The following FAT3 variants were observed in gnomAD, a reference collection of about 807,000 sequenced individuals.
FAT3 encodes the protein protocadherin Fat 3.
FAT3 carries 95 observed loss-of-function variants against 310.2 expected under a neutral mutation model. The observed-to-expected ratio is 0.31, with a 90% CI of 0.26 to 0.36. The LOEUF (loss-of-function observed/expected upper bound fraction) is 0.36, where lower values mean the gene tolerates loss of function less well. Ranked by LOEUF, FAT3 falls within the 10% of genes least tolerant of loss-of-function variation. The probability of loss-of-function intolerance (pLI) is 1.00; values close to 1 mark genes in which losing one functional copy is unlikely to be tolerated. For missense variants in FAT3, 5,408 were observed against 5,715.6 expected, an observed-to-expected ratio of 0.95 and a Z score of 1.74; for synonymous variants, 2,314 against 2,192.9, an observed-to-expected ratio of 1.06 and a Z score of -1.54.
intron 2 of FAT3, among the ~76,000 whole-genome samples, chr11:92,358,182 A>T (rs914605465): frequency 2.0e-5 from 3 of 152,038 alleles, no homozygotes; most frequent in Non-Finnish European, 4.4e-5. Context: ...GTCTTAAAAA[A>T]ATAATAATTA....
At chr11:92,876,406 C>T (rs999398162) in intron 22 of FAT3, among the ~76,000 whole-genome samples, 1 of 152,148 alleles carries the variant, frequency 6.6e-6, no homozygotes, top group Admixed American at 6.5e-5. Flanking sequence ...AAAAAAATAA[C>T]CCCAAGTCAA....
At chr11:92,855,847 G>T (rs1948961198) in intron 19 of FAT3, among the ~76,000 whole-genome samples, 1 of 152,262 alleles carries the variant, frequency 6.6e-6, no homozygotes, top group East Asian at 1.9e-4. Context: ...TGGGATTTAT[G>T]AATTCTGAGT....
chr11:92,625,129 A>G (rs2135681441), intron 3 of FAT3, among the ~76,000 whole-genome samples: 1 of 152,294 alleles, frequency 6.6e-6, no homozygotes, highest in East Asian at 1.9e-4. Context: ...ACACGAGAAA[A>G]GGAGATTTGA....
chr11:92,520,283 A>G (rs1030668733), intron 2 of FAT3, among the ~76,000 whole-genome samples: 1 of 152,182 alleles, frequency 6.6e-6, no homozygotes, highest in African/African-American at 2.4e-5. Flanking sequence ...TCTAGAAAAT[A>G]CAAAGTTATT....
intron 3 of FAT3, among the ~76,000 whole-genome samples, chr11:92,624,897 A>G (rs1591534835): frequency 6.6e-6 from 1 of 152,202 alleles, no homozygotes; most frequent in Non-Finnish European, 1.5e-5. Flanking sequence ...CTTGGCTTGA[A>G]GATTTCTATT....
At chr11:92,261,160 T>C (rs1373845788) in intron 1 of FAT3, among the ~76,000 whole-genome samples, 1 of 152,028 alleles carries the variant, frequency 6.6e-6, no homozygotes, top group Non-Finnish European at 1.5e-5. Flanking sequence ...AAAGATAGTA[T>C]TTTCAGAGGC....
intron 2 of FAT3, among the ~76,000 whole-genome samples, chr11:92,478,560 T>A (rs1350941620): frequency 6.6e-6 from 1 of 151,708 alleles, no homozygotes; most frequent in Non-Finnish European, 1.5e-5. Context: ...CAATTTTATT[T>A]CCCCAAACAA....
chr11:92,478,621 AT>A (rs111834951), intron 2 of FAT3, among the ~76,000 whole-genome samples: 7,339 of 147,500 alleles, frequency 0.05, 602 homozygotes, highest in African/African-American at 0.17. Context: ...TATCTGATAC[AT>A]TTTTTTTTTT....
chr11:92,236,274 A>G (rs969203036), intron 1 of FAT3, among the ~76,000 whole-genome samples: 6 of 152,144 alleles, frequency 3.9e-5, no homozygotes, highest in Non-Finnish European at 5.9e-5. Context: ...TTGGAGGTAC[A>G]GTTTCTGGTA....
chr11:92,473,709 C>T (rs1459198734), intron 2 of FAT3, among the ~76,000 whole-genome samples: 2 of 152,180 alleles, frequency 1.3e-5, no homozygotes, highest in African/African-American at 4.8e-5. Flanking sequence ...TCCCAATCAC[C>T]ATGTACAGAA....
At chr11:92,254,895 C>T (rs1029510564) in intron 1 of FAT3, among the ~76,000 whole-genome samples, 1 of 151,588 alleles carries the variant, frequency 6.6e-6, no homozygotes, top group Non-Finnish European at 1.5e-5. Flanking sequence ...TAGTAGAGAT[C>T]GGTTTTCACC....
At chr11:92,675,907 CT>C (rs543797847) in intron 3 of FAT3, among the ~76,000 whole-genome samples, 256 of 152,236 alleles carry the variant, frequency 1.7e-3, no homozygotes, top group African/African-American at 5.8e-3. Flanking sequence ...CAGTCTCTCA[CT>C]TTAGCAAGTG....
In FAT3 at chr11:92,305,751, A is replaced by G. The variant is rs572333139; in HGVS notation, c.-17-46345A>G. On this transcript the variant is annotated intron_variant, in intron 1 of 27. Coordinates refer to ENST00000525166, the MANE Select transcript of FAT3 (RefSeq NM_001367949.2). ...AAGTCAGTCTGCAAAATTGCCAGCT[A>G]ATACTCTTCAAATGTCAAGGTCACG... Among the ~76,000 whole-genome samples, 40 of 152,242 alleles carry G rather than the reference A, an allele frequency of 2.6e-4. 1 individual carries two copies. In the South Asian group the frequency reaches 6.6e-3, roughly 25 times the overall value.
chr11:92,623,048 C>G (rs939827244), intron 3 of FAT3, among the ~76,000 whole-genome samples: 2 of 152,182 alleles, frequency 1.3e-5, no homozygotes, highest in Non-Finnish European at 2.9e-5. Context: ...AGTGATGTCT[C>G]TGAATGTCTT....
chr11:92,228,241 G>A (rs1864006210), intron 1 of FAT3, among the ~76,000 whole-genome samples: 1 of 152,146 alleles, frequency 6.6e-6, no homozygotes, highest in African/African-American at 2.4e-5. Context: ...GTTGACCAGC[G>A]ACTGGCTCTC....
intron 1 of FAT3, among the ~76,000 whole-genome samples, chr11:92,299,447 C>T (rs937542825): frequency 6.6e-6 from 1 of 152,000 alleles, no homozygotes; most frequent in Admixed American, 6.6e-5. Context: ...ACTTTCTTGC[C>T]CTTTCCAAAG....
chr11:92,810,555 A>C (rs1044275952), intron 13 of FAT3, among the ~76,000 whole-genome samples: 1 of 152,172 alleles, frequency 6.6e-6, no homozygotes, highest in South Asian at 2.1e-4. Flanking sequence ...GCAAAGACTA[A>C]TTACTAAATG....
intron 3 of FAT3, among the ~76,000 whole-genome samples, chr11:92,551,500 A>C (rs1954821532): frequency 6.7e-6 from 1 of 150,262 alleles, no homozygotes; most frequent in East Asian, 2.0e-4. Context: ...GATTAACTCA[A>C]TTTTCATAGA....
At chr11:92,440,665 T>C (rs1034817203) in intron 2 of FAT3, among the ~76,000 whole-genome samples, 1 of 152,130 alleles carries the variant, frequency 6.6e-6, no homozygotes, top group Non-Finnish European at 1.5e-5. Flanking sequence ...AGGACAGAGA[T>C]AAAGTAGAAT....
Sources: allele counts gnomAD v4.1 joint callset (sites outside exome capture counted in the v4.1 genomes callset), GRCh38; gene constraint gnomAD v4.1.1; transcripts MANE v1.5; gene names NCBI Gene and HGNC (gene_info 2026-07-23, HGNC 2026-07-21).